The following LRP1B variants were observed in gnomAD, a reference collection of about 807,000 sequenced individuals.
LRP1B encodes the protein low-density lipoprotein receptor-related protein 1B.
A neutral mutation model predicts 556.6 loss-of-function variants in LRP1B; 217 were observed. The ratio of observed to expected loss-of-function variants is 0.39; its 90% CI spans 0.35 to 0.44. The LOEUF (loss-of-function observed/expected upper bound fraction) is 0.44. LRP1B is among the 20% of genes least tolerant of loss of function. LRP1B has a pLI of 1.00. For missense variants in LRP1B, 5,053 were observed against 5,620.8 expected, an observed-to-expected ratio of 0.90 and a Z score of 3.23; for synonymous variants, 2,047 against 1,865.8, an observed-to-expected ratio of 1.10 and a Z score of -2.50.
intron 45 of LRP1B, among the ~76,000 whole-genome samples, chr2:140,540,613 T>C (rs2105015182): frequency 6.6e-6 from 1 of 152,260 alleles, no homozygotes; most frequent in South Asian, 2.1e-4. Context: ...ATATACTGCC[T>C]GTATACCAGT....
Position 140,840,749 on chromosome 2 carries a change from T to G in LRP1B, c.5114+169A>C, listed in dbSNP as rs377724342. 2.0e-5 allele frequency among the ~76,000 whole-genome samples: 3 copies of G among 152,176 alleles called. No individual in the cohort carries two copies. In the South Asian group the frequency reaches 6.2e-4, roughly 31 times the overall value. ...GTGTAGGATATATATAATCTACAGA[T>G]AATAAAACTCTAACCAGGAATCTCT... On this transcript the variant is annotated intron_variant, in intron 30 of 90. Coordinates refer to ENST00000389484, the MANE Select transcript of LRP1B (RefSeq NM_018557.3).
intron 1 of LRP1B, among the ~76,000 whole-genome samples, chr2:141,894,664 TC>T (rs1345139553): frequency 6.8e-6 from 1 of 147,838 alleles, no homozygotes; most frequent in Admixed American, 6.7e-5. Flanking sequence ...TAGATCTAGA[TC>T]TAGATCTAGA....
At chr2:142,057,948 G>A (rs757653673) in intron 1 of LRP1B, among the ~76,000 whole-genome samples, 17 of 152,046 alleles carry the variant, frequency 1.1e-4, no homozygotes, top group Non-Finnish European at 2.4e-4. Context: ...TTTCTACAGG[G>A]CATCTTGACC....
At chr2:140,345,038 A>G (rs1191405922) in intron 77 of LRP1B, among the ~76,000 whole-genome samples, 1 of 151,786 alleles carries the variant, frequency 6.6e-6, no homozygotes, top group East Asian at 1.9e-4. Flanking sequence ...AGATGCTGAC[A>G]TTGTGGTGAA....
chr2:141,743,139 A>T (rs1037313524), intron 2 of LRP1B, among the ~76,000 whole-genome samples: 1 of 152,144 alleles, frequency 6.6e-6, no homozygotes, highest in Admixed American at 6.6e-5. Flanking sequence ...GATTGTTATC[A>T]TGAAGGGATG....
chr2:140,777,292 G>T (rs1381940313), intron 32 of LRP1B, among the ~76,000 whole-genome samples: 1 of 152,134 alleles, frequency 6.6e-6, no homozygotes, highest in East Asian at 1.9e-4. Context: ...CTCACAGAGG[G>T]CTGACAGCTG....
chr2:141,387,376 T>C (rs1044916863), intron 3 of LRP1B, among the ~76,000 whole-genome samples: 1 of 151,764 alleles, frequency 6.6e-6, no homozygotes, highest in East Asian at 1.9e-4. Flanking sequence ...GGAAAACCAA[T>C]GAAATCAAAA....
intron 27 of LRP1B, among the ~76,000 whole-genome samples, chr2:140,860,942 C>T (rs1339236166): frequency 6.6e-6 from 1 of 151,896 alleles, no homozygotes; most frequent in Non-Finnish European, 1.5e-5. Context: ...GAGAGTTTGG[C>T]GGCAATGTGT....
intron 76 of LRP1B, among the ~76,000 whole-genome samples, chr2:140,352,082 A>T (rs1681986372): frequency 6.6e-6 from 1 of 152,142 alleles, no homozygotes; most frequent in Non-Finnish European, 1.5e-5. Context: ...ACAATATTGA[A>T]GTTACAGTAT....
At chr2:140,673,009 T>C (rs941991914) in intron 41 of LRP1B, among the ~76,000 whole-genome samples, 6 of 152,206 alleles carry the variant, frequency 3.9e-5, no homozygotes, top group South Asian at 2.1e-4. Context: ...AACCATTCAC[T>C]TTCCTAACAG....
chr2:141,554,753 T>C (rs1274288721), intron 2 of LRP1B, among the ~76,000 whole-genome samples: 1 of 152,002 alleles, frequency 6.6e-6, no homozygotes, highest in African/African-American at 2.4e-5. Flanking sequence ...AATGACTGCC[T>C]TGAATAGTCT....
At chr2:140,688,936 A>G (rs1340908032) in intron 41 of LRP1B, among the ~76,000 whole-genome samples, 2 of 152,246 alleles carry the variant, frequency 1.3e-5, no homozygotes, top group East Asian at 3.8e-4. Context: ...GAAGAGCTAC[A>G]TAGTCAGCCC....
chr2:140,360,104 A>G (rs1682436983), intron 72 of LRP1B, among the ~76,000 whole-genome samples: 1 of 151,682 alleles, frequency 6.6e-6, no homozygotes, highest in Non-Finnish European at 1.5e-5. Context: ...CATGAGAAAA[A>G]TCAGTTTAAC....
intron 84 of LRP1B, among the ~76,000 whole-genome samples, chr2:140,277,917 A>C (rs2104959401): frequency 6.6e-6 from 1 of 152,100 alleles, no homozygotes; most frequent in East Asian, 1.9e-4. Flanking sequence ...GTATGTCAAG[A>C]AACATACACA....
At chr2:140,576,252 C>G (rs79568951) in intron 43 of LRP1B, among the ~76,000 whole-genome samples, 1,932 of 152,258 alleles carry the variant, frequency 0.013, 29 homozygotes, top group Admixed American at 0.048. Flanking sequence ...AGACTTTGCT[C>G]CACAAAACAA....
At chr2:140,475,446 T>G in intron 59 of LRP1B, 109 bp from the exon 60 acceptor site, 1 of 749,384 alleles carries the variant, frequency 1.3e-6, no homozygotes, top group Non-Finnish European at 2.0e-6. Flanking sequence ...CTTGCCATTT[T>G]TCTGAATTGC....
chr2:141,077,059 A>G (rs567472324), intron 7 of LRP1B, among the ~76,000 whole-genome samples: 133 of 152,278 alleles, frequency 8.7e-4, no homozygotes, highest in South Asian at 2.5e-3. Context: ...AGCCTGGCCA[A>G]TATGGTGAAA....
At chr2:141,290,534 G>A (rs944904620) in intron 3 of LRP1B, among the ~76,000 whole-genome samples, 2 of 152,140 alleles carry the variant, frequency 1.3e-5, no homozygotes, top group Non-Finnish European at 2.9e-5. Flanking sequence ...TTGTCAAGCA[G>A]TGCGTAAAGT....
chr2:141,392,622 TG>T (rs1690096212), intron 3 of LRP1B, among the ~76,000 whole-genome samples: 1 of 152,082 alleles, frequency 6.6e-6, no homozygotes, highest in Non-Finnish European at 1.5e-5. Context: ...GGAAGCCAAG[TG>T]GAGCAGGAAA....
Sources: gnomAD v4.1 joint callset for allele counts (sites outside exome capture counted in the v4.1 genomes callset) on GRCh38, gnomAD v4.1.1 for gene constraint, MANE v1.5 for transcripts, NCBI Gene and HGNC (gene_info 2026-07-23, HGNC 2026-07-21) for gene names.